The following CREB1 variants were observed in gnomAD, a reference collection of about 807,000 sequenced individuals.
CREB1 encodes the protein cAMP responsive element binding protein 1.
A neutral mutation model predicts 42.0 loss-of-function variants in CREB1; 2 were observed. The observed-to-expected ratio is 0.05, with a 90% CI of 0.02 to 0.15. The LOEUF (loss-of-function observed/expected upper bound fraction) is 0.15, where lower values mean the gene tolerates loss of function less well. Ranked by LOEUF, CREB1 falls within the 10% of genes least tolerant of loss-of-function variation. CREB1 has a pLI of 1.00. For synonymous variants in CREB1, 123 were observed against 139.9 expected, an observed-to-expected ratio of 0.88 and a Z score of 0.85; for missense variants, 199 against 388.9, an observed-to-expected ratio of 0.51 and a Z score of 4.11.
rs374747042 is a variant in CREB1 at position 207,605,526 on chromosome 2, TA to T, written c.*8476del. Among the ~76,000 whole-genome samples the T allele has an allele frequency of 5.9e-5, 9 of 152,024 alleles. No individual in the cohort carries two copies. The highest frequency in any genetic ancestry group is 1.3e-4 in the Admixed American group (2 of 15,272). On this transcript the variant is annotated 3_prime_UTR_variant, in exon 8 of 8. Transcript: ENST00000353267. The stretch of plus-strand genomic sequence containing the variant: ...TTACTTTATGTAATATGTACACTTC[TA>T]AAAAAAAGAAACATGGAAAAGGGCA...
chr2:207,536,804 A>G (rs907565336), intron 1 of CREB1, among the ~76,000 whole-genome samples: 2 of 152,012 alleles, frequency 1.3e-5, no homozygotes, highest in African/African-American at 4.8e-5. Flanking sequence ...AGCCTGGCCA[A>G]GATGGTGAAA....
intron 1 of CREB1, among the ~76,000 whole-genome samples, chr2:207,539,819 G>A (rs1418949673): frequency 6.6e-6 from 1 of 152,128 alleles, no homozygotes; most frequent in African/African-American, 2.4e-5. Flanking sequence ...AAAATGGAGT[G>A]TATTCTAGGC....
chr2:207,531,491 GAC>G (rs1466705532), intron 1 of CREB1, among the ~76,000 whole-genome samples: 1 of 152,172 alleles, frequency 6.6e-6, no homozygotes, highest in Admixed American at 6.5e-5. Context: ...AAAATTAAAA[GAC>G]AGTTTTTGAA....
chr2:207,581,947 C>T, intron 7 of CREB1: 1 of 702,676 alleles, frequency 1.4e-6, no homozygotes, highest in East Asian at 2.7e-5. Flanking sequence ...CCAGTGTTTT[C>T]TATGGATAGA....
intron 1 of CREB1, among the ~76,000 whole-genome samples, chr2:207,540,804 G>A (rs1574770094): frequency 1.3e-5 from 2 of 149,356 alleles, no homozygotes; most frequent in South Asian, 4.2e-4. Context: ...CAATTTATTT[G>A]TGTTTTAAGC....
intron 7 of CREB1, among the ~76,000 whole-genome samples, chr2:207,590,321 C>G (rs2084776204): frequency 6.6e-6 from 1 of 151,730 alleles, no homozygotes; most frequent in Non-Finnish European, 1.5e-5. Context: ...TCCTCTCTCT[C>G]TGTATTCGCC....
At chr2:207,554,105 G>A (rs1021042755) in intron 1 of CREB1, among the ~76,000 whole-genome samples, 8 of 152,028 alleles carry the variant, frequency 5.3e-5, no homozygotes, top group Admixed American at 5.2e-4. Flanking sequence ...TCGATTATAT[G>A]GTCAGTGCAC....
At chr2:207,555,347 A>C (rs1481397726) in intron 1 of CREB1, among the ~76,000 whole-genome samples, 1 of 152,216 alleles carries the variant, frequency 6.6e-6, no homozygotes, top group African/African-American at 2.4e-5. Context: ...ATGTAAGAGA[A>C]GAATCTTTTA....
intron 7 of CREB1, among the ~76,000 whole-genome samples, chr2:207,578,247 A>C (rs987027677): frequency 2.0e-5 from 3 of 152,214 alleles, no homozygotes; most frequent in African/African-American, 7.2e-5. Flanking sequence ...TGGTAAAGCA[A>C]TTCTCAGAAA....
At chr2:207,559,146 T>C (rs566192991) in intron 2 of CREB1, 5 of 164,754 alleles carry the variant, frequency 3.0e-5, no homozygotes, top group Admixed American at 6.5e-5. Context: ...AACACACTTA[T>C]GTGCACCATT....
rs2086947016 is a variant in CREB1 at position 207,600,968 on chromosome 2, C to T, written c.*3910C>T. 6.2e-6 allele frequency: 1 copy of T among 160,612 alleles called. No individual in the cohort carries two copies. Among genetic ancestry groups the T allele is most frequent in the Non-Finnish European group, 1.2e-5 (1 of 83,092 alleles). 9.9% of individuals were successfully genotyped at this position (160,612 alleles called of 1,614,324 possible). ...TTTTAATTCTATGATCAGCCACAGT[C>T]AGCTATTACCATAAATTGGTCTCTG... On this transcript the variant is annotated 3_prime_UTR_variant, in exon 8 of 8. Transcript: ENST00000353267.
intron 1 of CREB1, among the ~76,000 whole-genome samples, chr2:207,554,309 T>C (rs1438367947): frequency 6.6e-6 from 1 of 152,218 alleles, no homozygotes; most frequent in Non-Finnish European, 1.5e-5. Context: ...CAAGATGTAT[T>C]AGTATGTAAT....
intron 5 of CREB1, chr2:207,571,675 T>C (rs1481221623): frequency 4.5e-6 from 2 of 448,432 alleles, no homozygotes; most frequent in Non-Finnish European, 9.0e-6. Flanking sequence ...TGCTTTTAGT[T>C]ATTCAAGATA....
rs943283419 is a variant in CREB1, at chr2:207,569,403, TTTTTTG to T, written c.363-758_363-753del. On this transcript the variant is annotated intron_variant, in intron 4 of 7. Transcript: ENST00000353267. ...AGCAGCAATGTATGAGAGTGTGGTG[TTTTTTG>T]TTTTTGTTTTTGTTTTTTTTGTAGC... 3.9e-5 allele frequency among the ~76,000 whole-genome samples: 6 copies of T among 152,246 alleles called. No individual in the cohort carries two copies. The East Asian group carries it at 9.7e-4, about 24-fold the overall frequency.
chr2:207,588,321 T>C (rs1172347639), intron 7 of CREB1, among the ~76,000 whole-genome samples: 1 of 152,214 alleles, frequency 6.6e-6, no homozygotes, highest in African/African-American at 2.4e-5. Flanking sequence ...GAATTGCCCT[T>C]GCTCTTTTTT....
chr2:207,536,761 G>A (rs916457028), intron 1 of CREB1, among the ~76,000 whole-genome samples: 10 of 150,180 alleles, frequency 6.7e-5, no homozygotes, highest in Admixed American at 3.3e-4. Context: ...AGGTCGAGGC[G>A]GGCGGATCAC....
rs115190282 is a variant in CREB1, at chr2:207,595,644, A to G, written c.840-1270A>G. Among the ~76,000 whole-genome samples the G allele has an allele frequency of 6.3e-3, 958 of 152,094 alleles. 7 individuals carry two copies. Among genetic ancestry groups the G allele is most frequent in the African/African-American group, 0.022 (904 of 41,474 alleles). On this transcript the variant is annotated intron_variant, in intron 7 of 7. Coordinates refer to ENST00000353267, the MANE Select transcript of CREB1 (RefSeq NM_004379.5). ...GGTGGCAGGATCACGGCTCACTGCA[A>G]CCTAAGACCTCCTGGGCTTAAGCAG...
chr2:207,585,535 G>A (rs905920572), intron 7 of CREB1, among the ~76,000 whole-genome samples: 1 of 152,090 alleles, frequency 6.6e-6, no homozygotes, highest in Non-Finnish European at 1.5e-5. Context: ...GAGGAAACAC[G>A]ATACCTCCAA....
intron 1 of CREB1, among the ~76,000 whole-genome samples, chr2:207,536,590 T>G (rs2080880039): frequency 6.6e-6 from 1 of 152,304 alleles, no homozygotes; most frequent in Admixed American, 6.5e-5. Flanking sequence ...GTATATTTCG[T>G]TTTTTGTATT....
Sources: allele counts gnomAD v4.1 joint callset (sites outside exome capture counted in the v4.1 genomes callset), GRCh38; gene constraint gnomAD v4.1.1; transcripts MANE v1.5; gene names NCBI Gene and HGNC (gene_info 2026-07-23, HGNC 2026-07-21).